The following CTNNA3 variants were observed in gnomAD, a reference collection of about 807,000 sequenced individuals.
CTNNA3 encodes the protein catenin alpha-3.
Under a neutral mutation model 95.7 loss-of-function variants are expected in CTNNA3, and 76 were observed. The ratio of observed to expected loss-of-function variants is 0.79; its 90% CI spans 0.66 to 0.96. The LOEUF (loss-of-function observed/expected upper bound fraction) is 0.96, where lower values mean the gene tolerates loss of function less well. CTNNA3 is among the 40% of genes least tolerant of loss of function. CTNNA3 has a pLI of 0.00. For synonymous variants in CTNNA3, 431 were observed against 374.4 expected (o/e 1.15, Z -1.74); for missense variants, 1,191 against 1,089.8 (o/e 1.09, Z -1.31).
chr10:65,999,998 A>C (rs2078739303), intron 15 of CTNNA3, among the ~76,000 whole-genome samples: 1 of 152,126 alleles, frequency 6.6e-6, no homozygotes. Context: ...GCATAAGTTA[A>C]TTAGCCATTC....
chr10:66,715,112 C>A (rs1318094825), intron 9 of CTNNA3, among the ~76,000 whole-genome samples: 1 of 152,108 alleles, frequency 6.6e-6, no homozygotes, highest in Non-Finnish European at 1.5e-5. Flanking sequence ...GCTCAAATGT[C>A]CCCTTTTTCA....
chr10:67,726,747 G>A (rs369724343), intron 1 of CTNNA3, among the ~76,000 whole-genome samples: 2 of 2,040 alleles, frequency 9.8e-4, no homozygotes, highest in Admixed American at 0.012. Context: ...TATTATATAT[G>A]ATATATCATA....
chr10:67,481,533 C>T (rs556784977), intron 5 of CTNNA3, among the ~76,000 whole-genome samples: 4 of 151,766 alleles, frequency 2.6e-5, no homozygotes, highest in Admixed American at 2.0e-4. Context: ...TTACAACTGC[C>T]CCACCCCACC....
intron 5 of CTNNA3, among the ~76,000 whole-genome samples, chr10:67,453,344 C>T (rs1266217693): frequency 6.6e-6 from 1 of 152,152 alleles, no homozygotes. Flanking sequence ...ATTAAGTAGA[C>T]ACATAGAAAT....
At chr10:66,551,111 T>C (rs1842201891) in intron 10 of CTNNA3, among the ~76,000 whole-genome samples, 1 of 152,296 alleles carries the variant, frequency 6.6e-6, no homozygotes, top group African/African-American at 2.4e-5. Flanking sequence ...GGTCCAGATA[T>C]CACTTTGGCA....
At chr10:66,010,727 G>A (rs79501613) in intron 15 of CTNNA3, among the ~76,000 whole-genome samples, 1,943 of 152,210 alleles carry the variant, frequency 0.013, 33 homozygotes, top group African/African-American at 0.045. Context: ...ATTATGCCAC[G>A]CACATGATAA....
At chr10:67,539,058 A>C (rs1433452081) in intron 4 of CTNNA3, among the ~76,000 whole-genome samples, 2 of 152,092 alleles carry the variant, frequency 1.3e-5, no homozygotes, top group Non-Finnish European at 2.9e-5. Context: ...GTAAACATGC[A>C]CTCTTTATCC....
In CTNNA3 at chr10:67,638,606, G is replaced by A. The variant is rs1038564922; in HGVS notation, c.99+8809C>T. ...TATTACAAAATTGACCACATAGTTG[G>A]AAGTAAAGCACTCCTCAGCAAATGT... On this transcript the variant is annotated intron_variant, in intron 2 of 17. Coordinates refer to ENST00000433211, the MANE Select transcript of CTNNA3 (RefSeq NM_013266.4). Among the ~76,000 whole-genome samples the A allele has an allele frequency of 7.9e-5, 12 of 152,268 alleles. 1 individual carries two copies. The highest frequency in any genetic ancestry group is 7.9e-4 in the Admixed American group (12 of 15,286).
intron 10 of CTNNA3, among the ~76,000 whole-genome samples, chr10:66,549,786 T>G (rs1187207171): frequency 3.3e-5 from 5 of 152,330 alleles, no homozygotes; most frequent in African/African-American, 1.2e-4. Context: ...GGGTGTTTTC[T>G]TAGATATCTA....
chr10:67,420,282 T>A (rs1276628485), intron 5 of CTNNA3, among the ~76,000 whole-genome samples: 2 of 152,232 alleles, frequency 1.3e-5, no homozygotes, highest in East Asian at 3.8e-4. Context: ...ATAGTATGAT[T>A]TTTTATTATA....
At chr10:66,002,615 C>G (rs927492660) in intron 15 of CTNNA3, among the ~76,000 whole-genome samples, 1 of 152,130 alleles carries the variant, frequency 6.6e-6, no homozygotes, top group Non-Finnish European at 1.5e-5. Context: ...GGGCTATGTA[C>G]CACATAGTTG....
intron 5 of CTNNA3, among the ~76,000 whole-genome samples, chr10:67,387,504 G>A (rs891610724): frequency 6.6e-6 from 1 of 152,238 alleles, no homozygotes; most frequent in African/African-American, 2.4e-5. Context: ...CCATAGCCCA[G>A]GCTTGATTAG....
At chr10:66,856,381 A>G (rs1355721183) in intron 7 of CTNNA3, among the ~76,000 whole-genome samples, 2 of 152,010 alleles carry the variant, frequency 1.3e-5, no homozygotes, top group African/African-American at 2.4e-5. Flanking sequence ...CAATGTGTGC[A>G]TGTGTCTTTA....
chr10:66,166,587 A>T (rs1024557750), intron 13 of CTNNA3, among the ~76,000 whole-genome samples: 1 of 152,010 alleles, frequency 6.6e-6, no homozygotes, highest in Non-Finnish European at 1.5e-5. Context: ...CTGGTAACTC[A>T]CAGAGGTAGA....
intron 9 of CTNNA3, among the ~76,000 whole-genome samples, chr10:66,712,608 T>TCTCACACACACACACACACACACA (rs1554839911): frequency 1.9e-4 from 29 of 151,622 alleles, no homozygotes; most frequent in African/African-American, 1.7e-4. Flanking sequence ...TCTCTCTCTC[T>TCTCACACACACACACACACACACA]CACACACACA....
intron 15 of CTNNA3, among the ~76,000 whole-genome samples, chr10:66,011,875 T>A (rs1045870093): frequency 6.6e-6 from 1 of 152,206 alleles, no homozygotes; most frequent in African/African-American, 2.4e-5. Flanking sequence ...TAACAGTTGT[T>A]AATTTGTTAT....
chr10:66,311,462 T>C (rs2092019683), intron 12 of CTNNA3, among the ~76,000 whole-genome samples: 1 of 152,140 alleles, frequency 6.6e-6, no homozygotes, highest in Admixed American at 6.5e-5. Flanking sequence ...AATCAGAAGG[T>C]GGAACCATCT....
In CTNNA3 at chr10:66,446,998, T is replaced by C. The variant is rs918829844; in HGVS notation, c.1532-67646A>G. On this transcript the variant is annotated intron_variant, in intron 11 of 17. Coordinates refer to ENST00000433211, the MANE Select transcript of CTNNA3 (RefSeq NM_013266.4). Reference sequence around the variant, plus strand: ...AAAGTCTCAGGATACAAAATCAATGTGCAAAAATCACAAGCATTCTTATAC... The same window carrying C: ...AAAGTCTCAGGATACAAAATCAATGCGCAAAAATCACAAGCATTCTTATAC... 4.6e-5 allele frequency among the ~76,000 whole-genome samples: 7 copies of C among 151,722 alleles called. No homozygotes were observed. The East Asian group carries it at 7.7e-4, about 17-fold the overall frequency.
At chr10:67,479,367 A>G (rs1020873566) in intron 5 of CTNNA3, among the ~76,000 whole-genome samples, 2 of 152,190 alleles carry the variant, frequency 1.3e-5, no homozygotes, top group East Asian at 1.9e-4. Flanking sequence ...TCAAGTCTCA[A>G]TAAGTTCAAA....
Sources: gnomAD v4.1 joint callset for allele counts (sites outside exome capture counted in the v4.1 genomes callset) on GRCh38, gnomAD v4.1.1 for gene constraint, MANE v1.5 for transcripts, NCBI Gene and HGNC (gene_info 2026-07-23, HGNC 2026-07-21) for gene names.